FBXO34: variants seen among roughly 807,000 people sequenced by gnomAD.
FBXO34 encodes the protein F-box only protein 34.
In FBXO34, 12 loss-of-function variants were observed where a neutral mutation model predicts 24.5. The observed-to-expected ratio is 0.49, with a 90% CI of 0.31 to 0.79. The LOEUF (loss-of-function observed/expected upper bound fraction) is 0.79. Ranked by LOEUF, FBXO34 falls within the 30% of genes least tolerant of loss-of-function variation. The probability of loss-of-function intolerance (pLI) is 0.04; values close to 1 mark genes in which losing one functional copy is unlikely to be tolerated. For synonymous variants in FBXO34, 320 were observed against 311.9 expected (o/e 1.03, Z -0.27); for missense variants, 823 against 857.7 (o/e 0.96, Z 0.51).
downstream of FBXO34, chr14:55,366,615 TC>T (rs1164564025): frequency 6.8e-6 from 1 of 147,786 alleles, no homozygotes; most frequent in Non-Finnish European, 1.5e-5. Context: ...ATACTGTTTT[TC>T]CCCCTTACAG....
At chr14:55,412,455 GAA>G in the FBXO34 span, among the ~76,000 whole-genome samples, 1 of 152,164 alleles carries the variant, frequency 6.6e-6, no homozygotes, top group African/African-American at 2.4e-5. Context: ...GTATCCTTCT[GAA>G]AAGTTAATCA....
chr14:55,304,658 C>A (rs1252251330), intron 1 of FBXO34, among the ~76,000 whole-genome samples: 1 of 151,620 alleles, frequency 6.6e-6, no homozygotes, highest in Non-Finnish European at 1.5e-5. Flanking sequence ...TACCACTGTG[C>A]CCAGCTAATT....
downstream of FBXO34, chr14:55,368,377 A>C (rs1884732549): frequency 1.3e-5 from 2 of 151,692 alleles, no homozygotes; most frequent in Admixed American, 1.3e-4. Context: ...GCGCCACCAC[A>C]CCCGGTAATT....
chr14:55,281,446 A>G (rs970103052), intron 1 of FBXO34, among the ~76,000 whole-genome samples: 2 of 152,066 alleles, frequency 1.3e-5, no homozygotes, highest in African/African-American at 4.8e-5. Context: ...CTTCAATCTT[A>G]TACACAGTTG....
chr14:55,334,149 T>C (rs1230763081), intron 1 of FBXO34, among the ~76,000 whole-genome samples: 1 of 152,156 alleles, frequency 6.6e-6, no homozygotes, highest in Non-Finnish European at 1.5e-5. Flanking sequence ...GTAACCAAGA[T>C]GAAGAGTGGC....
chr14:55,318,953 CATT>C (rs1883034379), intron 1 of FBXO34, among the ~76,000 whole-genome samples: 1 of 152,084 alleles, frequency 6.6e-6, no homozygotes, highest in Non-Finnish European at 1.5e-5. Flanking sequence ...GTTAGACTCT[CATT>C]GTGCTTAATT....
chr14:55,326,151 C>T (rs1209567024), intron 1 of FBXO34: 3 of 152,176 alleles, frequency 2.0e-5, no homozygotes, highest in African/African-American at 2.4e-5. Flanking sequence ...GTAAAATCCC[C>T]CGAGTTGAGG....
At chr14:55,379,937 AAAC>A in the FBXO34 span, among the ~76,000 whole-genome samples, 46 of 152,274 alleles carry the variant, frequency 3.0e-4, no homozygotes, top group African/African-American at 8.2e-4. Flanking sequence ...TTTTATTAAA[AAAC>A]AACAACAACA....
the FBXO34 span, among the ~76,000 whole-genome samples, chr14:55,426,800 C>G: frequency 6.6e-6 from 1 of 152,182 alleles, no homozygotes; most frequent in African/African-American, 2.4e-5. Flanking sequence ...GGGCCCACTC[C>G]GTCTGATGTA....
chr14:55,314,018 C>G (rs930947638), intron 1 of FBXO34, among the ~76,000 whole-genome samples: 6 of 152,160 alleles, frequency 3.9e-5, no homozygotes, highest in Admixed American at 6.5e-5. Context: ...ATCCTCCTAA[C>G]TCAGCCTCAC....
intron 1 of FBXO34, among the ~76,000 whole-genome samples, chr14:55,301,685 C>T (rs1882362022): frequency 6.6e-6 from 1 of 152,162 alleles, no homozygotes; most frequent in African/African-American, 2.4e-5. Flanking sequence ...CTGCTCTCTT[C>T]AGTAGAAAGT....
At chr14:55,414,889 A>G in the FBXO34 span, among the ~76,000 whole-genome samples, 1 of 152,236 alleles carries the variant, frequency 6.6e-6, no homozygotes. Flanking sequence ...ATTTGTTTTA[A>G]ATTTTAGTTT....
At chr14:55,355,950 A>C (rs560799340), downstream of FBXO34, among the ~76,000 whole-genome samples, 78 of 152,278 alleles carry the variant, frequency 5.1e-4, no homozygotes, top group South Asian at 4.4e-3. Context: ...GTCTCATGGG[A>C]GCATCCTTGG....
intron 1 of FBXO34, among the ~76,000 whole-genome samples, chr14:55,327,492 C>T (rs1340141344): frequency 6.6e-6 from 1 of 151,972 alleles, no homozygotes; most frequent in African/African-American, 2.4e-5. Context: ...GTAGTTTATT[C>T]TGAATATATT....
chr14:55,432,820 A>G, the FBXO34 span, among the ~76,000 whole-genome samples: 3 of 152,350 alleles, frequency 2.0e-5, no homozygotes, highest in South Asian at 6.2e-4. Flanking sequence ...CTACAGAGTT[A>G]TGGTGAAAGA....
chr14:55,389,702 T>C, the FBXO34 span, among the ~76,000 whole-genome samples: 6 of 152,252 alleles, frequency 3.9e-5, no homozygotes, highest in Non-Finnish European at 8.8e-5. Flanking sequence ...TAAATCTGAT[T>C]TTCAATGTGA....
At chr14:55,278,626 G>A (rs141396302) in intron 1 of FBXO34, among the ~76,000 whole-genome samples, 1 of 152,258 alleles carries the variant, frequency 6.6e-6, no homozygotes, top group East Asian at 1.9e-4. Context: ...TAGGACTACT[G>A]TACAAAGAAA....
chr14:55,411,887 G>A, the FBXO34 span: 10 of 1,438,022 alleles, frequency 7.0e-6, no homozygotes, highest in East Asian at 2.2e-4. Flanking sequence ...TCTGGGCCAG[G>A]AGGAGGGGCC....
chr14:55,429,152 G>C, the FBXO34 span, among the ~76,000 whole-genome samples: 1 of 152,190 alleles, frequency 6.6e-6, no homozygotes, highest in Non-Finnish European at 1.5e-5. Flanking sequence ...CTTATAAAAG[G>C]TCTTGTAAAA....
Sources: gnomAD v4.1 joint callset for allele counts (sites outside exome capture counted in the v4.1 genomes callset) on GRCh38, gnomAD v4.1.1 for gene constraint, MANE v1.5 for transcripts, NCBI Gene and HGNC (gene_info 2026-07-23, HGNC 2026-07-21) for gene names.